Variants in TBRG1 observed in about 807,000 individuals in gnomAD.
TBRG1 encodes nuclear interactor of ARF and MDM2.
In TBRG1, 31 loss-of-function variants were observed where a neutral mutation model predicts 44.0. That is an observed-to-expected ratio of 0.70 (90% CI 0.53 to 0.95). The LOEUF (loss-of-function observed/expected upper bound fraction) is 0.95. Ranked by LOEUF, TBRG1 falls within the 40% of genes least tolerant of loss-of-function variation. TBRG1 has a pLI of 0.00. For missense variants in TBRG1, 487 were observed against 496.1 expected, an observed-to-expected ratio of 0.98 and a Z score of 0.18; for synonymous variants, 171 against 188.1, an observed-to-expected ratio of 0.91 and a Z score of 0.74.
chr11:124,626,669 G>A (rs1387306737), intron 4 of TBRG1, 60 bp downstream of exon 4: 1 of 1,532,838 alleles, frequency 6.5e-7, no homozygotes, highest in Admixed American at 2.0e-5. Context: ...ATGGGGTTGA[G>A]CCTTCCCTCC....
chr11:124,625,952 G>A, intron 3 of TBRG1, 49 bp downstream of exon 3: 6 of 1,500,190 alleles, frequency 4.0e-6, no homozygotes, highest in Non-Finnish European at 4.4e-6. Context: ...ACCTACTAAT[G>A]ACAGTTAGAC....
In TBRG1 at chr11:124,625,735, C is replaced by G. The variant is rs1418366501; in HGVS notation, c.286C>G (p.Pro96Ala). 4.5e-6 allele frequency: 7 copies of G among 1,559,108 alleles called. No individual in the cohort carries two copies. The highest frequency in any genetic ancestry group is 6.1e-6 in the Non-Finnish European group (7 of 1,150,514). The part of the protein sequence containing the change: ...LTEGEVQAAA[P>A]SHSSSLPLTY... Reference sequence around the variant, plus strand: ...TGAAGGGGAAGTACAGGCTGCAGCTCCTTCCCACAGTTCCAGTTTGCCCCT... The same window carrying G: ...TGAAGGGGAAGTACAGGCTGCAGCTGCTTCCCACAGTTCCAGTTTGCCCCT... Residue 96 changes from proline (P) to alanine (A), a missense_variant, in exon 3 of 9, where the codon CCT becomes GCT. By Grantham distance (27) the Pro-to-Ala change is conservative. Transcript: ENST00000441174.
Position 124,625,663 on chromosome 11 carries a change from G to A in TBRG1, c.222-8G>A, listed in dbSNP as rs574936007. On this transcript the variant is annotated splice_region_variant and splice_polypyrimidine_tract_variant and intron_variant, in intron 2 of 8. Coordinates refer to ENST00000441174, the MANE Select transcript of TBRG1 (RefSeq NM_032811.3). ...TCATTTCTCTGCTCCTTTCCTTCCT[G>A]ATCTCAGGTACTTGCTAAAGAAGCT... 5.2e-5 allele frequency: 81 copies of A among 1,549,674 alleles called. No individual in the cohort carries two copies. The East Asian group carries it at 1.8e-3, about 35-fold the overall frequency.
At position 124,633,506 on chromosome 11, in the gene TBRG1, A is replaced by G. The variant is rs987044117; in HGVS notation, c.*1268A>G. The G allele has an allele frequency of 6.6e-6, 1 of 152,228 alleles. No individual in the cohort carries two copies. Among genetic ancestry groups the G allele is most frequent in the African/African-American group, 2.4e-5 (1 of 41,444 alleles). 9.4% of individuals were successfully genotyped at this position (152,228 alleles called of 1,614,324 possible). A position where few individuals can be genotyped will look rare whatever the true frequency, so the allele number is the denominator to read the frequency against. ...AATGCACTGCCATTCATAATTGCCAATTGAGGACAACACAAATGGGATTGG... is the reference window on the plus strand; with the variant it reads ...AATGCACTGCCATTCATAATTGCCAGTTGAGGACAACACAAATGGGATTGG... On this transcript the variant is annotated 3_prime_UTR_variant, in exon 9 of 9. Coordinates refer to ENST00000441174, the MANE Select transcript of TBRG1 (RefSeq NM_032811.3).
rs576170299 is a variant in TBRG1 at position 124,632,463 on chromosome 11, G to A, written c.*225G>A. Reference sequence around the variant, plus strand: ...TTCTGTTTACTTTCATCTTGTAATCGGGATGTAATCTTTTTTGCTTAGCTC... The same window carrying A: ...TTCTGTTTACTTTCATCTTGTAATCAGGATGTAATCTTTTTTGCTTAGCTC... On this transcript the variant is annotated 3_prime_UTR_variant, in exon 9 of 9. Transcript: ENST00000441174. 67 of 405,126 alleles carry A rather than the reference G, an allele frequency of 1.7e-4. No individual in the cohort carries two copies. Among genetic ancestry groups the A allele is most frequent in the South Asian group, 1.5e-3 (44 of 29,638 alleles). 25.1% of individuals were successfully genotyped at this position (405,126 alleles called of 1,614,324 possible).
chr11:124,627,891 C>T (rs1434204999), intron 5 of TBRG1, among the ~76,000 whole-genome samples: 6 of 151,512 alleles, frequency 4.0e-5, no homozygotes, highest in African/African-American at 1.5e-4. Flanking sequence ...AATTGAAAAG[C>T]CGATTCTTAA....
chr11:124,632,143 C>A lies in TBRG1; in HGVS notation c.1141C>A (p.Gln381Lys), dbSNP rs1206672328. Reference sequence around the variant, plus strand: ...GCCTGCAGCCTTTGTGTCTTCTTACCAGCCCATGTACCTGACACATGAACC... The same window carrying A: ...GCCTGCAGCCTTTGTGTCTTCTTACAAGCCCATGTACCTGACACATGAACC... The part of the protein sequence containing the change: ...LQPAAFVSSY[Q>K]PMYLTHEPLV... The change falls in exon 9 of 9, where the codon CAG becomes AAG. Residue 381 changes from glutamine (Q) to lysine (K), a missense_variant. Coordinates refer to ENST00000441174, the MANE Select transcript of TBRG1 (RefSeq NM_032811.3). 3 of 1,613,438 alleles carry A rather than the reference C, an allele frequency of 1.9e-6. No individual in the cohort carries two copies. The highest frequency in any genetic ancestry group is 2.7e-5 in the African/African-American group (2 of 74,868).
chr11:124,624,709 G>T (rs566195471), intron 1 of TBRG1, among the ~76,000 whole-genome samples: 1 of 152,098 alleles, frequency 6.6e-6, no homozygotes, highest in African/African-American at 2.4e-5. Context: ...TTCACTCAAA[G>T]ATGTCCCGGA....
In TBRG1 at chr11:124,630,826, G is replaced by C; in HGVS notation, c.918G>C (p.Gln306His). ...ATCCAGCCATCCACAACCTGATCCA[G>C]AGCTGTCCAGGAGCTCGAAAATGCA... ...FSHPAIHNLI[Q>H]SCPGARKCIN... Residue 306 changes from glutamine (Q) to histidine (H), a missense_variant, in exon 7 of 9, where the codon CAG (glutamine) becomes CAC (histidine). By Grantham distance (24) the Gln-to-His change is conservative. Transcript: ENST00000441174. The C allele has an allele frequency of 6.2e-7, 1 of 1,603,180 alleles. No homozygotes were observed. The highest frequency in any genetic ancestry group is 8.5e-7 in the Non-Finnish European group (1 of 1,174,594).
rs1398837038 is a variant in TBRG1 at position 124,623,164 on chromosome 11, G to A, written c.81G>A (p.Lys27=). ...AGGCCAGGATGAAAAAGCTCCCGAA[G>A]AAGAGCCAGAATGAGAAGTACCGGC... ...SSKARMKKLP[K]KSQNEKYRLK... The change falls in exon 1 of 9, where the codon AAG becomes AAA. Residue 27 remains lysine, a synonymous_variant. Transcript: ENST00000441174. The A allele has an allele frequency of 1.9e-6, 3 of 1,551,698 alleles. No homozygotes were observed. Among genetic ancestry groups the A allele is most frequent in the African/African-American group, 1.4e-5 (1 of 73,198 alleles).
intron 7 of TBRG1, 80 bp downstream of exon 7, chr11:124,630,935 C>T: frequency 9.5e-7 from 1 of 1,049,598 alleles, no homozygotes; most frequent in Non-Finnish European, 1.4e-6. Flanking sequence ...ACTTTGTTCA[C>T]TGACCTTCTG....
chr11:124,628,110 TATATATAC>T (rs1399723029), intron 5 of TBRG1, among the ~76,000 whole-genome samples: 77 of 53,060 alleles, frequency 1.5e-3, no homozygotes, highest in East Asian at 2.7e-3. Flanking sequence ...TATATATATA[TATATATAC>T]ACACACACAC....
rs1942666718 is a variant in TBRG1 at position 124,634,034 on chromosome 11, T to C, written c.*1796T>C. The C allele has an allele frequency of 6.6e-6, 1 of 152,252 alleles. No individual in the cohort carries two copies. The highest frequency in any genetic ancestry group is 2.1e-4 in the South Asian group (1 of 4,836). The allele number at this position is 152,252 out of a possible 1,614,324, so 9.4% of individuals were successfully genotyped here. ...GAAGATATGTGTAAAATGTTTTTAC[T>C]ATGGATCATGGATTTAAGAAACTTG... is the stretch of plus-strand genomic sequence containing the variant. On this transcript the variant is annotated 3_prime_UTR_variant, in exon 9 of 9. Coordinates refer to ENST00000441174, the MANE Select transcript of TBRG1 (RefSeq NM_032811.3).
At chr11:124,625,600 T>C (rs936352002) in intron 2 of TBRG1, 71 bp from the exon 3 acceptor site, 81 of 1,387,588 alleles carry the variant, frequency 5.8e-5, no homozygotes, top group Non-Finnish European at 7.7e-5. Flanking sequence ...CTTTTCCCAG[T>C]ACTTGAGTAA....
intron 5 of TBRG1, 118 bp from the exon 6 acceptor site, chr11:124,630,270 T>C (rs553573250): frequency 1.3e-6 from 1 of 761,346 alleles, no homozygotes; most frequent in South Asian, 1.4e-5. Context: ...TGTGTGTCCC[T>C]TCTGAAGATG....
chr11:124,628,065 T>A lies in TBRG1; in HGVS notation c.738+1015T>A, dbSNP rs1280832627. ...TTCCAACTAACGTCAAGTAGCTGTT[T>A]TATATATATATATATATATATATAT... On this transcript the variant is annotated intron_variant, in intron 5 of 8. Coordinates refer to ENST00000441174, the MANE Select transcript of TBRG1 (RefSeq NM_032811.3). 2.3e-4 allele frequency among the ~76,000 whole-genome samples: 16 copies of A among 69,840 alleles called. No homozygotes were observed. In the South Asian group the frequency reaches 3.1e-3, roughly 14 times the overall value. 45.8% of individuals were successfully genotyped at this position (69,840 alleles called of 152,430 possible).
chr11:124,630,691 C>A, intron 6 of TBRG1, 54 bp from the exon 7 acceptor site: 2 of 1,305,224 alleles, frequency 1.5e-6, no homozygotes, highest in Non-Finnish European at 2.2e-6. Context: ...GTTCTTAAAT[C>A]CATCTTCATC....
intron 5 of TBRG1, chr11:124,630,151 G>A (rs1167015785): frequency 3.1e-5 from 13 of 422,360 alleles, no homozygotes; most frequent in Non-Finnish European, 4.9e-5. Flanking sequence ...CAAATTAAAC[G>A]CTCACTTTTG....
Position 124,622,962 on chromosome 11 carries a change from G to A in TBRG1, c.-122G>A, listed in dbSNP as rs1942371267. The A allele has an allele frequency of 8.8e-7, 1 of 1,133,086 alleles. No homozygotes were observed. Among genetic ancestry groups the A allele is most frequent in the African/African-American group, 1.6e-5 (1 of 63,638 alleles). 70.2% of individuals were successfully genotyped at this position (1,133,086 alleles called of 1,614,324 possible). On this transcript the variant is annotated 5_prime_UTR_variant, in exon 1 of 9. Coordinates refer to ENST00000441174, the MANE Select transcript of TBRG1 (RefSeq NM_032811.3). ...GTCAGCCCTGGGAACGTCCCGGAGA[G>A]CTAGATTCCTAGAGGCCCGATTCCG...
Sources: allele counts gnomAD v4.1 joint callset (sites outside exome capture counted in the v4.1 genomes callset), GRCh38; gene constraint gnomAD v4.1.1; transcripts MANE v1.5; gene names NCBI Gene and HGNC (gene_info 2026-07-23, HGNC 2026-07-21).